Variants in ZFAND6 observed in about 807,000 individuals in gnomAD.
ZFAND6 encodes zinc finger AN1-type containing 6.
A neutral mutation model predicts 24.5 loss-of-function variants in ZFAND6; 12 were observed. The ratio of observed to expected loss-of-function variants is 0.49; its 90% CI spans 0.31 to 0.79. The LOEUF is 0.79. Among genes scored for constraint, ZFAND6 ranks in the 30% least tolerant of loss-of-function variants. The pLI is 0.04. For missense variants in ZFAND6, 207 were observed against 245.9 expected (o/e 0.84, Z 1.06); for synonymous variants, 92 against 81.5 (o/e 1.13, Z -0.69).
intron 1 of ZFAND6, among the ~76,000 whole-genome samples, chr15:80,078,147 A>G (rs185086320): frequency 2.0e-5 from 3 of 152,340 alleles, no homozygotes; most frequent in East Asian, 3.9e-4. Flanking sequence ...TGTACAAACA[A>G]TCCCGTCACT....
At chr15:80,127,874 A>G (rs2040438249) in intron 5 of ZFAND6, among the ~76,000 whole-genome samples, 1 of 152,238 alleles carries the variant, frequency 6.6e-6, no homozygotes, top group Non-Finnish European at 1.5e-5. Flanking sequence ...ATACGTCCAC[A>G]CAAAAACGTG....
intron 2 of ZFAND6, among the ~76,000 whole-genome samples, chr15:80,099,634 T>TTTTTTTTTCC (rs1555431664): frequency 6.7e-6 from 1 of 148,598 alleles, no homozygotes; most frequent in African/African-American, 2.5e-5. Context: ...TTTTTTTTTT[T>TTTTTTTTTCC]CGAGACGGAG....
chr15:80,070,196 T>C (rs1032524302), intron 1 of ZFAND6, among the ~76,000 whole-genome samples: 2 of 152,220 alleles, frequency 1.3e-5, no homozygotes, highest in African/African-American at 4.8e-5. Flanking sequence ...TAGGGTCTTT[T>C]TAATCAAAAG....
rs181644579 is a variant in ZFAND6, at chr15:80,098,444, A to T, written c.-152A>T. 13 of 152,302 alleles carry T rather than the reference A, an allele frequency of 8.5e-5. No homozygotes were observed. In the East Asian group the frequency reaches 2.5e-3, roughly 29 times the overall value. The allele number at this position is 152,302 out of a possible 1,614,324, so 9.4% of individuals were successfully genotyped here. A position where few individuals can be genotyped will look rare whatever the true frequency, so the allele number is the denominator to read the frequency against. The stretch of plus-strand genomic sequence containing the variant: ...TGAATCTGAAGTCTGCTGCAGTAAA[A>T]CACAGAAGGCTTTAAAATGTTTTCT... On this transcript the variant is annotated 5_prime_UTR_variant, in exon 2 of 7. Coordinates refer to ENST00000261749, the MANE Select transcript of ZFAND6 (RefSeq NM_019006.4).
At chr15:80,106,655 T>A (rs1482143803) in intron 2 of ZFAND6, among the ~76,000 whole-genome samples, 1 of 151,826 alleles carries the variant, frequency 6.6e-6, no homozygotes, top group Non-Finnish European at 1.5e-5. Context: ...TCATTATGCA[T>A]ATTTTAATTC....
chr15:80,116,089 G>T (rs893792127), intron 2 of ZFAND6, among the ~76,000 whole-genome samples: 19 of 143,918 alleles, frequency 1.3e-4, no homozygotes, highest in East Asian at 1.0e-3. Flanking sequence ...GCCTTTTTAG[G>T]TTTTTTTTTT....
intron 2 of ZFAND6, among the ~76,000 whole-genome samples, chr15:80,111,194 C>T (rs1439380363): frequency 2.6e-5 from 4 of 152,114 alleles, no homozygotes; most frequent in South Asian, 2.1e-4. Context: ...GGTTATAACT[C>T]CATATAAATC....
At chr15:80,080,503 T>A (rs1201260767) in intron 1 of ZFAND6, among the ~76,000 whole-genome samples, 1 of 152,200 alleles carries the variant, frequency 6.6e-6, no homozygotes, top group African/African-American at 2.4e-5. Context: ...AGAATAATTA[T>A]ACTGTAATAA....
chr15:80,129,169 C>G (rs2040490386), intron 5 of ZFAND6, among the ~76,000 whole-genome samples: 1 of 152,096 alleles, frequency 6.6e-6, no homozygotes, highest in African/African-American at 2.4e-5. Flanking sequence ...ACAAGACATT[C>G]AGCCCCTGCC....
chr15:80,130,872 A>C (rs2040568884), intron 5 of ZFAND6: 1 of 275,274 alleles, frequency 3.6e-6, no homozygotes, highest in Non-Finnish European at 6.8e-6. Flanking sequence ...GTATTTGTTT[A>C]TGTGCCTTTT....
At chr15:80,127,589 CAAAAAAAAAAAAAA>C (rs55872915) in intron 5 of ZFAND6, among the ~76,000 whole-genome samples, 7 of 120,074 alleles carry the variant, frequency 5.8e-5, no homozygotes, top group African/African-American at 2.2e-4. Context: ...AACTCCATCT[CAAAAAAAAAAAAAA>C]AAAAAAAAAA....
intron 6 of ZFAND6, among the ~76,000 whole-genome samples, chr15:80,132,256 A>G (rs1232700606): frequency 6.6e-6 from 1 of 152,238 alleles, no homozygotes; most frequent in African/African-American, 2.4e-5. Flanking sequence ...TGTATAGCCT[A>G]GAAATATATT....
intron 5 of ZFAND6, among the ~76,000 whole-genome samples, chr15:80,125,950 A>G: frequency 6.6e-6 from 1 of 152,220 alleles, no homozygotes; most frequent in East Asian, 1.9e-4. Flanking sequence ...TGTAAGCTGC[A>G]GAAGATATTC....
At chr15:80,098,020 C>T (rs774227029) in intron 1 of ZFAND6, among the ~76,000 whole-genome samples, 1 of 152,130 alleles carries the variant, frequency 6.6e-6, no homozygotes, top group Non-Finnish European at 1.5e-5. Context: ...CTCCCTAGTC[C>T]GGTGCTATGA....
At chr15:80,103,346 A>C (rs1020067056) in intron 2 of ZFAND6, among the ~76,000 whole-genome samples, 1 of 152,176 alleles carries the variant, frequency 6.6e-6, no homozygotes, top group Non-Finnish European at 1.5e-5. Flanking sequence ...TACATACCTA[A>C]TTGTGTAGTT....
chr15:80,091,801 G>A (rs898228034), intron 1 of ZFAND6, among the ~76,000 whole-genome samples: 1 of 152,060 alleles, frequency 6.6e-6, no homozygotes, highest in Non-Finnish European at 1.5e-5. Flanking sequence ...CGCCATGCCT[G>A]GCTAATTTTA....
intron 2 of ZFAND6, among the ~76,000 whole-genome samples, chr15:80,108,349 A>C (rs1206015778): frequency 6.6e-6 from 1 of 152,216 alleles, no homozygotes. Flanking sequence ...CAAAGTCTAC[A>C]TAGTTGAATT....
At chr15:80,097,482 T>C (rs192530148) in intron 1 of ZFAND6, among the ~76,000 whole-genome samples, 16 of 152,094 alleles carry the variant, frequency 1.1e-4, no homozygotes, top group African/African-American at 3.9e-4. Flanking sequence ...ACTCTGTTTC[T>C]ACAAAAAATA....
At chr15:80,080,950 C>A (rs1484009341) in intron 1 of ZFAND6, among the ~76,000 whole-genome samples, 1 of 152,214 alleles carries the variant, frequency 6.6e-6, no homozygotes, top group African/African-American at 2.4e-5. Flanking sequence ...CCCCATCATC[C>A]AGTCACCTCC....
Sources: gnomAD v4.1 joint callset for allele counts (sites outside exome capture counted in the v4.1 genomes callset) on GRCh38, gnomAD v4.1.1 for gene constraint, MANE v1.5 for transcripts, NCBI Gene and HGNC (gene_info 2026-07-23, HGNC 2026-07-21) for gene names.